PPP6R3: variants seen among roughly 807,000 people sequenced by gnomAD.
PPP6R3 encodes serine/threonine-protein phosphatase 6 regulatory subunit 3.
Under a neutral mutation model 110.7 loss-of-function variants are expected in PPP6R3, and 38 were observed. The ratio of observed to expected loss-of-function variants is 0.34; its 90% CI spans 0.26 to 0.45. The LOEUF (loss-of-function observed/expected upper bound fraction) is 0.45. Among genes scored for constraint, PPP6R3 ranks in the 20% least tolerant of loss-of-function variants. The pLI is 1.00. For missense variants in PPP6R3, 870 were observed against 1,062.4 expected (o/e 0.82, Z 2.52); for synonymous variants, 369 against 373.5 (o/e 0.99, Z 0.14).
At chr11:68,526,028 A>G (rs1312014384) in intron 2 of PPP6R3, among the ~76,000 whole-genome samples, 1 of 152,168 alleles carries the variant, frequency 6.6e-6, no homozygotes, top group East Asian at 1.9e-4. Context: ...GTATCTCTTC[A>G]GTTTTGGAGA....
chr11:68,595,349 G>A (rs1189664649), intron 18 of PPP6R3, among the ~76,000 whole-genome samples: 1 of 151,434 alleles, frequency 6.6e-6, no homozygotes, highest in East Asian at 1.9e-4. Flanking sequence ...TGGAGTAGCT[G>A]GAATTACAGG....
chr11:68,461,346 G>T (rs2098705160), intron 1 of PPP6R3, among the ~76,000 whole-genome samples: 1 of 152,158 alleles, frequency 6.6e-6, no homozygotes, highest in African/African-American at 2.4e-5. Context: ...AGTTTTGTGG[G>T]TTTCTGTTAA....
intron 10 of PPP6R3, 43 bp from the exon 11 acceptor site, chr11:68,569,705 A>T (rs976163693): frequency 6.8e-7 from 1 of 1,479,030 alleles, no homozygotes; most frequent in Non-Finnish European, 9.2e-7. Flanking sequence ...ATTGGCTTAA[A>T]CATTGAGGTA....
intron 1 of PPP6R3, among the ~76,000 whole-genome samples, chr11:68,518,935 T>A (rs2099150393): frequency 1.3e-5 from 2 of 152,212 alleles, no homozygotes; most frequent in African/African-American, 4.8e-5. Flanking sequence ...TCCACAGTAT[T>A]AAGCTATATA....
intron 13 of PPP6R3, 108 bp from the exon 14 acceptor site, chr11:68,575,850 A>G (rs1480456388): frequency 8.4e-6 from 6 of 714,018 alleles, no homozygotes; most frequent in South Asian, 7.3e-5. Flanking sequence ...CCTGCTCACC[A>G]TTGATGAACC....
At chr11:68,535,176 C>T (rs966291375) in intron 2 of PPP6R3, among the ~76,000 whole-genome samples, 28 of 152,272 alleles carry the variant, frequency 1.8e-4, no homozygotes, top group African/African-American at 6.3e-4. Context: ...GTTTCCTTCA[C>T]GGCAAATGTG....
At chr11:68,479,825 G>A (rs1409924410) in intron 1 of PPP6R3, among the ~76,000 whole-genome samples, 7 of 151,758 alleles carry the variant, frequency 4.6e-5, no homozygotes, top group Non-Finnish European at 1.0e-4. Flanking sequence ...TGTAGCCTCG[G>A]ACACCTGGAC....
intron 7 of PPP6R3, 101 bp from the exon 8 acceptor site, chr11:68,558,465 T>G: frequency 1.4e-6 from 1 of 698,900 alleles, no homozygotes; most frequent in Non-Finnish European, 2.5e-6. Flanking sequence ...TGCCCAAGTA[T>G]GAACTCTTCA....
At chr11:68,550,649 G>A (rs939499023) in intron 5 of PPP6R3, among the ~76,000 whole-genome samples, 2 of 152,154 alleles carry the variant, frequency 1.3e-5, no homozygotes, top group East Asian at 1.9e-4. Context: ...GTTTGGTTTT[G>A]TAATCTAAAA....
intron 3 of PPP6R3, among the ~76,000 whole-genome samples, chr11:68,542,398 T>TTTTTTTTTTTTTTTC (rs2099323637): frequency 8.9e-6 from 1 of 111,746 alleles, no homozygotes; most frequent in African/African-American, 3.5e-5. Flanking sequence ...TGTTTTTTTT[T>TTTTTTTTTTTTTTTC]TTTTTTTTTT....
chr11:68,516,023 A>G (rs1323748632), intron 1 of PPP6R3, among the ~76,000 whole-genome samples: 1 of 152,162 alleles, frequency 6.6e-6, no homozygotes, highest in Admixed American at 6.6e-5. Flanking sequence ...TCTGATTTTG[A>G]CTATTCTGAG....
intron 8 of PPP6R3, among the ~76,000 whole-genome samples, chr11:68,560,670 C>T (rs986639153): frequency 6.6e-6 from 1 of 152,182 alleles, no homozygotes. Context: ...CTCTTTCCAA[C>T]TCATTTTATG....
chr11:68,581,654 T>A (rs1432968032), intron 14 of PPP6R3, among the ~76,000 whole-genome samples: 1 of 152,242 alleles, frequency 6.6e-6, no homozygotes, highest in Non-Finnish European at 1.5e-5. Flanking sequence ...AGATGCCAGC[T>A]GCCATGACCA....
intron 1 of PPP6R3, among the ~76,000 whole-genome samples, chr11:68,488,374 G>A (rs944959345): frequency 3.3e-5 from 5 of 152,076 alleles, no homozygotes; most frequent in Admixed American, 3.3e-4. Flanking sequence ...GTGTCTCGCT[G>A]TGTTTCCCAG....
chr11:68,570,820 G>A (rs544223945), intron 11 of PPP6R3, among the ~76,000 whole-genome samples: 28 of 152,274 alleles, frequency 1.8e-4, no homozygotes, highest in African/African-American at 6.3e-4. Flanking sequence ...ATAATACTGA[G>A]TTTCCTGTAG....
intron 15 of PPP6R3, 97 bp downstream of exon 15, chr11:68,583,226 A>G: frequency 2.1e-6 from 2 of 947,852 alleles, no homozygotes; most frequent in South Asian, 3.4e-5. Flanking sequence ...TATGTATTAG[A>G]ATGTGATTTG....
intron 1 of PPP6R3, among the ~76,000 whole-genome samples, chr11:68,463,355 G>GAAAAAAAAAAAAAAAAA (rs1156285158): frequency 3.7e-5 from 2 of 54,620 alleles, no homozygotes; most frequent in African/African-American, 6.6e-5. Context: ...CTCAGTCTCA[G>GAAAAAAAAAAAAAAAAA]AAAAAAAAAA....
chr11:68,478,647 G>GTTTTT (rs769296530), intron 1 of PPP6R3, among the ~76,000 whole-genome samples: 1,109 of 50,456 alleles, frequency 0.022, 419 homozygotes, highest in African/African-American at 0.064. Flanking sequence ...CACTTGGTAA[G>GTTTTT]TTTTTTTTTT....
intron 23 of PPP6R3, among the ~76,000 whole-genome samples, chr11:68,610,920 C>T (rs1172485678): frequency 2.0e-5 from 3 of 150,990 alleles, no homozygotes; most frequent in Non-Finnish European, 4.4e-5. Context: ...AGGGAGCACT[C>T]TTTGTTGGTC....
Sources: gnomAD v4.1 joint callset for allele counts (sites outside exome capture counted in the v4.1 genomes callset) on GRCh38, gnomAD v4.1.1 for gene constraint, MANE v1.5 for transcripts, NCBI Gene and HGNC (gene_info 2026-07-23, HGNC 2026-07-21) for gene names.